SOX6: variants seen among roughly 807,000 people sequenced by gnomAD.
SOX6 encodes the protein SRY-box transcription factor 6.
Under a neutral mutation model 97.8 loss-of-function variants are expected in SOX6, and 11 were observed. That is an observed-to-expected ratio of 0.11 (90% CI 0.07 to 0.19). The LOEUF (loss-of-function observed/expected upper bound fraction) is 0.19. Ranked by LOEUF, SOX6 falls within the 10% of genes least tolerant of loss-of-function variation. SOX6 has a pLI of 1.00. For missense variants in SOX6, 810 were observed against 1,039.5 expected (o/e 0.78, Z 3.04); for synonymous variants, 360 against 371.4 (o/e 0.97, Z 0.35).
chr11:16,524,595 CA>C (rs1861125126), intron 4 of SOX6, among the ~76,000 whole-genome samples: 1 of 150,408 alleles, frequency 6.6e-6, no homozygotes, highest in Non-Finnish European at 1.5e-5. Flanking sequence ...CCTCTCTCAC[CA>C]CTCCTATTCA....
At chr11:16,229,086 C>A (rs971946349) in intron 4 of SOX6, among the ~76,000 whole-genome samples, 3 of 152,150 alleles carry the variant, frequency 2.0e-5, no homozygotes. Context: ...ACCTACCCAT[C>A]ACATAGAATT....
At chr11:16,291,450 CAAAT>C (rs1174149371) in intron 3 of SOX6, among the ~76,000 whole-genome samples, 1 of 151,728 alleles carries the variant, frequency 6.6e-6, no homozygotes, top group Admixed American at 6.6e-5. Context: ...AACGAATAAA[CAAAT>C]AAACCTACCT....
intron 3 of SOX6, among the ~76,000 whole-genome samples, chr11:16,707,709 G>A (rs1848148058): frequency 6.6e-6 from 1 of 152,096 alleles, no homozygotes; most frequent in Admixed American, 6.5e-5. Flanking sequence ...GAAAAACACT[G>A]TGCTATAATG....
intron 4 of SOX6, among the ~76,000 whole-genome samples, chr11:16,573,581 C>G (rs1195903256): frequency 2.6e-5 from 4 of 152,104 alleles, no homozygotes; most frequent in African/African-American, 4.8e-5. Flanking sequence ...AAACTATCTG[C>G]TTAAAGCTAA....
chr11:16,611,853 G>GT (rs1396065900), intron 4 of SOX6, among the ~76,000 whole-genome samples: 5 of 152,220 alleles, frequency 3.3e-5, no homozygotes, highest in Non-Finnish European at 7.3e-5. Flanking sequence ...GGTAGCGACA[G>GT]TAGCGGCAGA....
chr11:16,605,138 A>C lies in SOX6; in HGVS notation n.609+6943T>G, dbSNP rs2133979578. Among the ~76,000 whole-genome samples the C allele has an allele frequency of 6.6e-6, 1 of 151,708 alleles. No homozygotes were observed. The highest frequency in any genetic ancestry group is 1.5e-5 in the Non-Finnish European group (1 of 67,884). On this transcript the variant is annotated intron_variant and non_coding_transcript_variant, in intron 4 of 5. Transcript: ENST00000524520. The surrounding 1 kb of genome is among the most constrained non-coding windows in gnomAD (Gnocchi z 5.3). ...CCCCCTGCCCTGGGCCGAGCCCGGG[A>C]GCAGCGGACCGCGGCCCCGGCTGCA...
At chr11:16,286,578 G>T (rs1332179511) in intron 3 of SOX6, among the ~76,000 whole-genome samples, 1 of 152,064 alleles carries the variant, frequency 6.6e-6, no homozygotes, top group African/African-American at 2.4e-5. Flanking sequence ...GTTCAGTGAG[G>T]TATTTATGAG....
chr11:16,299,102 ATG>A (rs1433285687), intron 3 of SOX6, among the ~76,000 whole-genome samples: 3 of 152,194 alleles, frequency 2.0e-5, no homozygotes, highest in Admixed American at 6.5e-5. Context: ...TGGTTAAAGA[ATG>A]TATCATTTTT....
chr11:16,098,229 C>T (rs1179382676), intron 7 of SOX6, among the ~76,000 whole-genome samples: 1 of 151,796 alleles, frequency 6.6e-6, no homozygotes, highest in East Asian at 1.9e-4. Context: ...TTCCAGCATT[C>T]TGTGAAATGT....
chr11:15,979,154 C>T (rs1473461126), intron 15 of SOX6, among the ~76,000 whole-genome samples: 3 of 150,040 alleles, frequency 2.0e-5, no homozygotes, highest in Non-Finnish European at 4.4e-5. Context: ...CACATACCTG[C>T]CCCTCTCATG....
At position 16,662,978 on chromosome 11, in the gene SOX6, A is replaced by G. The variant is rs553041156; in HGVS notation, n.430-50718T>C. ...AGTTTTGGGATTATACGTGTAAGCC[A>G]CCATACCCATCCTAAAAAAAAGTAT... On this transcript the variant is annotated intron_variant and non_coding_transcript_variant, in intron 3 of 5. Transcript: ENST00000524520. 2.0e-5 allele frequency among the ~76,000 whole-genome samples: 3 copies of G among 152,196 alleles called. No homozygotes were observed. The East Asian group carries it at 5.8e-4, about 29-fold the overall frequency.
chr11:16,130,475 G>T (rs991828471), intron 6 of SOX6, among the ~76,000 whole-genome samples: 2 of 151,710 alleles, frequency 1.3e-5, no homozygotes, highest in Middle Eastern at 3.2e-3. Flanking sequence ...ACAATTTTTT[G>T]AAAATTACAA....
intron 7 of SOX6, among the ~76,000 whole-genome samples, chr11:16,105,881 A>G (rs1002282259): frequency 1.3e-5 from 2 of 152,168 alleles, no homozygotes; most frequent in Non-Finnish European, 2.9e-5. Flanking sequence ...TTAACACGCA[A>G]GTATCAGCTG....
intron 11 of SOX6, among the ~76,000 whole-genome samples, chr11:16,049,198 T>C (rs796503904): frequency 5.3e-5 from 8 of 152,256 alleles, no homozygotes; most frequent in African/African-American, 1.9e-4. Flanking sequence ...TCCTCCATAC[T>C]TTTCACATAG....
At chr11:16,525,433 A>G in intron 4 of SOX6, among the ~76,000 whole-genome samples, 1 of 151,952 alleles carries the variant, frequency 6.6e-6, no homozygotes, top group African/African-American at 2.4e-5. Flanking sequence ...AGCCATATGT[A>G]GAAAGCTGAA....
At chr11:16,077,357 T>G (rs990542155) in intron 9 of SOX6, among the ~76,000 whole-genome samples, 1 of 152,186 alleles carries the variant, frequency 6.6e-6, no homozygotes, top group African/African-American at 2.4e-5. Context: ...ATATACTGCT[T>G]GTAGGAATGC....
At chr11:16,302,971 C>G (rs1855311217) in intron 3 of SOX6, among the ~76,000 whole-genome samples, 2 of 145,880 alleles carry the variant, frequency 1.4e-5, no homozygotes, top group African/African-American at 4.9e-5. Context: ...TTATGAGCTA[C>G]TAAAAAACAA....
chr11:16,171,489 C>A (rs547008483), intron 6 of SOX6, among the ~76,000 whole-genome samples: 2 of 151,928 alleles, frequency 1.3e-5, no homozygotes, highest in East Asian at 1.9e-4. Flanking sequence ...ACATCAGACT[C>A]TTTTACATTC....
intron 3 of SOX6, among the ~76,000 whole-genome samples, chr11:16,667,229 C>T (rs527264690): frequency 2.0e-5 from 3 of 152,046 alleles, no homozygotes; most frequent in East Asian, 3.9e-4. Context: ...AACAGCCAGA[C>T]CCTGTCTCAA....
Sources: gnomAD v4.1 joint callset for allele counts (sites outside exome capture counted in the v4.1 genomes callset) on GRCh38, gnomAD v4.1.1 for gene constraint, Gnocchi (gnomAD v3.1) non-coding constraint, MANE v1.5 for transcripts, NCBI Gene and HGNC (gene_info 2026-07-23, HGNC 2026-07-21) for gene names.